Variants in SERPINA6 observed in about 807,000 individuals in gnomAD.
SERPINA6 encodes serpin family A member 6.
SERPINA6 carries 19 observed loss-of-function variants against 26.4 expected under a neutral mutation model. That is an observed-to-expected ratio of 0.72 (90% CI 0.50 to 1.06). SERPINA6 has a LOEUF of 1.06. SERPINA6 is among the 50% of genes least tolerant of loss of function. SERPINA6 has a pLI of 0.00. For synonymous variants in SERPINA6, 196 were observed against 199.4 expected (o/e 0.98, Z 0.14); for missense variants, 473 against 504.0 (o/e 0.94, Z 0.59).
chr14:94,314,136 G>A lies in SERPINA6; in HGVS notation c.513C>T (p.Asn171=), dbSNP rs1052759090. 2 of 1,614,082 alleles carry A rather than the reference G, an allele frequency of 1.2e-6. No individual in the cohort carries two copies. Among genetic ancestry groups the A allele is most frequent in the Admixed American group, 1.7e-5 (1 of 60,000 alleles). ...CCTGTGTCTTATTCTTGACATAGCT[G>A]TTGATCTGTCTGCTGGCTGTTGCCC... is the stretch of plus-strand genomic sequence containing the variant. ...QDWATASRQI[N]SYVKNKTQGK... is the part of the protein sequence containing the mutation. Residue 171 remains asparagine, a synonymous_variant, in exon 2 of 5, where the codon AAC becomes AAT. Coordinates refer to ENST00000341584, the MANE Select transcript of SERPINA6 (RefSeq NM_001756.4).
At chr14:94,315,794 C>G (rs1895606016) in intron 1 of SERPINA6, among the ~76,000 whole-genome samples, 2 of 152,154 alleles carry the variant, frequency 1.3e-5, no homozygotes, top group African/African-American at 2.4e-5. Flanking sequence ...GAAGATATAA[C>G]ATTTTTGGTT....
intron 1 of SERPINA6, among the ~76,000 whole-genome samples, chr14:94,318,257 C>T (rs140386789): frequency 1.3e-5 from 2 of 152,218 alleles, no homozygotes; most frequent in South Asian, 4.2e-4. Flanking sequence ...CCAATGCAGT[C>T]TATAGATTCA....
intron 1 of SERPINA6, among the ~76,000 whole-genome samples, chr14:94,321,744 G>A (rs758310706): frequency 2.0e-5 from 3 of 152,100 alleles, no homozygotes; most frequent in Admixed American, 6.5e-5. Context: ...CCAGGTCACC[G>A]CCTCCAGGAA....
chr14:94,312,977 G>A (rs977566212), intron 2 of SERPINA6, among the ~76,000 whole-genome samples: 2 of 152,180 alleles, frequency 1.3e-5, no homozygotes, highest in Non-Finnish European at 2.9e-5. Context: ...GCATTCCTTT[G>A]AATATGATTG....
chr14:94,314,943 C>G, intron 1 of SERPINA6: 1 of 513,198 alleles, frequency 1.9e-6, no homozygotes, highest in Non-Finnish European at 3.5e-6. Flanking sequence ...TACCAAAACA[C>G]TCCTAAAGCA....
chr14:94,309,067 C>G (rs1408243655), intron 3 of SERPINA6, among the ~76,000 whole-genome samples: 1 of 152,230 alleles, frequency 6.6e-6, no homozygotes, highest in Non-Finnish European at 1.5e-5. Flanking sequence ...GCCTGAGTGT[C>G]AACCCTGCAC....
In SERPINA6 at chr14:94,314,520, G is replaced by T. The variant is rs749109208; in HGVS notation, c.129C>A (p.Asn43Lys). ...TATACAGGCTGAAGGCAAAGTCAACGTTGGCTGAAGCCAGGCCCCGGTGAT... is the reference window on the plus strand; with the variant it reads ...TATACAGGCTGAAGGCAAAGTCAACTTTGGCTGAAGCCAGGCCCCGGTGAT... ...SNHHRGLASA[N>K]VDFAFSLYKH... The change falls in exon 2 of 5, where the codon AAC (asparagine) becomes AAA (lysine). Residue 43 changes from asparagine to lysine, a missense_variant. Physicochemically the swap from Asn to Lys is moderately conservative, Grantham distance 94. Coordinates refer to ENST00000341584, the MANE Select transcript of SERPINA6 (RefSeq NM_001756.4). 6.2e-7 allele frequency: 1 copy of T among 1,614,096 alleles called. No homozygotes were observed. Among genetic ancestry groups the T allele is most frequent in the East Asian group, 2.2e-5 (1 of 44,894 alleles).
intron 1 of SERPINA6, among the ~76,000 whole-genome samples, chr14:94,322,491 CA>C (rs1464344543): frequency 1.3e-5 from 2 of 152,052 alleles, no homozygotes; most frequent in Non-Finnish European, 2.9e-5. Context: ...GCTTGGGCAA[CA>C]AGAGTGAAAT....
intron 3 of SERPINA6, among the ~76,000 whole-genome samples, chr14:94,309,321 A>AGG (rs76522496): frequency 0.72 from 109,168 of 151,838 alleles, 39,866 homozygotes; most frequent in East Asian, 0.99. Context: ...ACATTTCATT[A>AGG]TCATTTTCAT....
intron 1 of SERPINA6, among the ~76,000 whole-genome samples, chr14:94,322,737 G>A (rs966667493): frequency 6.6e-6 from 1 of 152,236 alleles, no homozygotes; most frequent in Non-Finnish European, 1.5e-5. Flanking sequence ...GTACAGTGCA[G>A]ACAGTTCTGT....
rs770736077 is a variant in SERPINA6 at position 94,314,341 on chromosome 14, G to C, written c.308C>G (p.Thr103Ser). ...GTGCTGGAAACCCTGGTGGATCTCA[G>C]TCTCAGACCTCTCAGTGAGGTTGAA... ...LGFNLTERSE[T>S]EIHQGFQHLH... is the part of the protein sequence containing the mutation. The change falls in exon 2 of 5, where the codon ACT becomes AGT. Residue 103 changes from threonine to serine, a missense_variant. Physicochemically the swap from Thr to Ser is moderately conservative, Grantham distance 58. Transcript: ENST00000341584. 5 of 1,614,176 alleles carry C rather than the reference G, an allele frequency of 3.1e-6. No individual in the cohort carries two copies. The Admixed American group carries it at 8.3e-5, about 27-fold the overall frequency.
In SERPINA6 at chr14:94,306,217, G is replaced by A; in HGVS notation, c.886C>T (p.Gln296Ter). 6.2e-7 allele frequency: 1 copy of A among 1,614,140 alleles called. No homozygotes were observed. The highest frequency in any genetic ancestry group is 8.5e-7 in the Non-Finnish European group (1 of 1,180,030). The stretch of plus-strand genomic sequence containing the variant: ...ACCTTTGGAATGTACAGGTCCACCT[G>A]GCTGCTCGGGGTAAGCAGACAGAGT... ...NRWSAGLTSSQVDLYIPKVTI... is the reference protein window; with the variant it reads ...NRWSAGLTSS Residue 296 changes from glutamine (Q) to a stop codon, truncating the protein, a stop_gained and splice_region_variant, in exon 4 of 5, where the codon CAG becomes TAG. Transcript: ENST00000341584. LOFTEE classifies it high-confidence loss of function.
intron 2 of SERPINA6, among the ~76,000 whole-genome samples, chr14:94,312,957 T>G (rs984033316): frequency 6.6e-6 from 1 of 152,214 alleles, no homozygotes; most frequent in Non-Finnish European, 1.5e-5. Flanking sequence ...TTATTTTGGC[T>G]GTTTTACCTG....
intron 1 of SERPINA6, 49 bp downstream of exon 1, chr14:94,323,218 C>T (rs1413024819): frequency 6.6e-6 from 1 of 152,398 alleles, no homozygotes; most frequent in Admixed American, 6.5e-5. Flanking sequence ...TGGCTTTGCT[C>T]TGGAGGCTGG....
intron 2 of SERPINA6, among the ~76,000 whole-genome samples, chr14:94,310,489 G>A (rs1159223514): frequency 2.0e-5 from 3 of 152,144 alleles, no homozygotes; most frequent in African/African-American, 7.2e-5. Context: ...AGGCCACGTT[G>A]TCCTAATGAA....
intron 1 of SERPINA6, among the ~76,000 whole-genome samples, chr14:94,321,205 A>T (rs1895680736): frequency 6.6e-6 from 1 of 152,032 alleles, no homozygotes; most frequent in Non-Finnish European, 1.5e-5. Context: ...AGTAGCCCCT[A>T]CCTCGTCTCC....
intron 2 of SERPINA6, 75 bp downstream of exon 2, chr14:94,313,961 G>A: frequency 1.3e-6 from 2 of 1,528,354 alleles, no homozygotes; most frequent in Non-Finnish European, 1.8e-6. Context: ...TTGCCCAAGA[G>A]TGTGCCCTGG....
rs758178505 is a variant in SERPINA6 at position 94,304,569 on chromosome 14, T to G, written c.1067A>C (p.Glu356Ala). 1.4e-5 allele frequency: 23 copies of G among 1,614,044 alleles called. No individual in the cohort carries two copies. The highest frequency in any genetic ancestry group is 1.8e-5 in the Non-Finnish European group (21 of 1,180,030). Residue 356 changes from glutamate to alanine, a missense_variant, in exon 5 of 5, where the codon GAG becomes GCG. Physicochemically the swap from Glu to Ala is moderately radical, Grantham distance 107. Coordinates refer to ENST00000341584, the MANE Select transcript of SERPINA6 (RefSeq NM_001756.4). ...AGTGGAGCCAGCTGTGTCCACACCC[T>G]CCTCATTGAGTTGCAGCACAGCTTT... Reference protein sequence around the residue: ...VHKAVLQLNEEGVDTAGSTGV... With the variant: ...VHKAVLQLNEAGVDTAGSTGV...
At chr14:94,305,200 C>A (rs1002474804) in intron 4 of SERPINA6, among the ~76,000 whole-genome samples, 1 of 152,148 alleles carries the variant, frequency 6.6e-6, no homozygotes, top group Non-Finnish European at 1.5e-5. Context: ...GTGGGAACTT[C>A]CAGCGACTCT....
Sources: allele counts gnomAD v4.1 joint callset (sites outside exome capture counted in the v4.1 genomes callset), GRCh38; gene constraint gnomAD v4.1.1; transcripts MANE v1.5; gene names NCBI Gene and HGNC (gene_info 2026-07-23, HGNC 2026-07-21).